The following DLAT variants were observed in gnomAD, a reference collection of about 807,000 sequenced individuals.
DLAT encodes dihydrolipoyllysine-residue acetyltransferase component of pyruvate dehydrogenase complex, mitochondrial.
Under a neutral mutation model 68.0 loss-of-function variants are expected in DLAT, and 43 were observed. That is an observed-to-expected ratio of 0.63 (90% CI 0.50 to 0.81). The LOEUF (loss-of-function observed/expected upper bound fraction) is 0.81, where lower values mean the gene tolerates loss of function less well. Ranked by LOEUF, DLAT falls within the 40% of genes least tolerant of loss-of-function variation. The pLI is 0.00. For synonymous variants in DLAT, 265 were observed against 288.6 expected, an observed-to-expected ratio of 0.92 and a Z score of 0.83; for missense variants, 745 against 815.4, an observed-to-expected ratio of 0.91 and a Z score of 1.05.
rs781869059 is a variant in DLAT, at chr11:112,051,260, T to C, written c.1425T>C (p.Ser475=). 1 of 1,612,764 alleles carries C rather than the reference T, an allele frequency of 6.2e-7. No homozygotes were observed. The highest frequency in any genetic ancestry group is 1.1e-5 in the South Asian group (1 of 90,986). ...NKILEGRSKI[S]VNDFIIKASA... ...TATTAGAAGGGAGAAGCAAAATTTCTGTCAATGACTTCATCATAAAAGCTT... is the reference window on the plus strand; with the variant it reads ...TATTAGAAGGGAGAAGCAAAATTTCCGTCAATGACTTCATCATAAAAGCTT... The change falls in exon 11 of 14, where the codon TCT becomes TCC. Residue 475 remains serine (S), a synonymous_variant. Transcript: ENST00000280346. The surrounding 1 kb of genome is among the most constrained non-coding windows in gnomAD (Gnocchi z 4.3).
chr11:112,058,941 TTGAG>T (rs1322792075), intron 11 of DLAT, among the ~76,000 whole-genome samples: 1 of 152,106 alleles, frequency 6.6e-6, no homozygotes, highest in Non-Finnish European at 1.5e-5. Context: ...TTCTAGTAAT[TTGAG>T]TATTTTCAGT....
At position 112,059,885 on chromosome 11, in the gene DLAT, A is replaced by AT. The variant is rs1555182997; in HGVS notation, c.1515-13dup. 5.8e-6 allele frequency: 9 copies of AT among 1,556,440 alleles called. No individual in the cohort carries two copies. Among genetic ancestry groups the AT allele is most frequent in the South Asian group, 1.2e-5 (1 of 84,452 alleles). ...TAATAAACAGTTTTTTATTATATTT[A>AT]TTTTTCTTTTTAAACAGAAATCATG... On this transcript the variant is annotated splice_polypyrimidine_tract_variant and intron_variant, in intron 11 of 13. Transcript: ENST00000280346.
At chr11:112,029,538 CT>C (rs1224028417) in intron 4 of DLAT, among the ~76,000 whole-genome samples, 1 of 152,060 alleles carries the variant, frequency 6.6e-6, no homozygotes, top group Admixed American at 6.6e-5. Flanking sequence ...CAGATTTCCC[CT>C]TAACTCATTA....
intron 8 of DLAT, among the ~76,000 whole-genome samples, chr11:112,044,147 C>T (rs587653336): frequency 2.6e-4 from 40 of 151,914 alleles, no homozygotes; most frequent in African/African-American, 9.7e-4. Context: ...TTTTCTTTTT[C>T]AAAATATTTT....
chr11:112,051,189 T>C lies in DLAT; in HGVS notation c.1399-45T>C. On this transcript the variant is annotated intron_variant, in intron 10 of 13. Coordinates refer to ENST00000280346, the MANE Select transcript of DLAT (RefSeq NM_001931.5). This position sits in a 1 kb window ranked among gnomAD's most constrained non-coding sequence, Gnocchi z 4.3. Reference sequence around the variant, plus strand: ...TGCACCCTGAAACTTAAAATTAAAATTAAAATTAAAAAAGAAGAAACTACA... The same window carrying C: ...TGCACCCTGAAACTTAAAATTAAAACTAAAATTAAAAAAGAAGAAACTACA... The C allele has an allele frequency of 7.5e-7, 1 of 1,329,016 alleles. No individual in the cohort carries two copies. Among genetic ancestry groups the C allele is most frequent in the Non-Finnish European group, 1.1e-6 (1 of 946,392 alleles). The allele number at this position is 1,329,016 out of a possible 1,614,324, so 82.3% of individuals were successfully genotyped here.
At chr11:112,043,442 A>C (rs1555181161) in intron 7 of DLAT, 24 bp from the exon 8 acceptor site, 2 of 1,605,122 alleles carry the variant, frequency 1.2e-6, no homozygotes, top group Non-Finnish European at 1.7e-6. Context: ...GTCATCATGT[A>C]TGTGATATTT....
Position 112,051,446 on chromosome 11 carries a change from G to T in DLAT, c.1514+97G>T, listed in dbSNP as rs1330939649. ...AGGGGATAAGGAGAAATGGAATACA[G>T]AGAGGCAGATGACTTACATAGGTCA... On this transcript the variant is annotated intron_variant, in intron 11 of 13. Coordinates refer to ENST00000280346, the MANE Select transcript of DLAT (RefSeq NM_001931.5). The surrounding 1 kb of genome is among the most constrained non-coding windows in gnomAD (Gnocchi z 4.3). 4.5e-6 allele frequency: 4 copies of T among 889,150 alleles called. No homozygotes were observed. Among genetic ancestry groups the T allele is most frequent in the Non-Finnish European group, 5.5e-6 (3 of 543,538 alleles). 55.1% of individuals were successfully genotyped at this position (889,150 alleles called of 1,614,324 possible). A position where few individuals can be genotyped will look rare whatever the true frequency, so the allele number is the denominator to read the frequency against.
At chr11:112,041,589 G>C (rs1765904198) in intron 7 of DLAT, among the ~76,000 whole-genome samples, 1 of 152,166 alleles carries the variant, frequency 6.6e-6, no homozygotes, top group African/African-American at 2.4e-5. Context: ...GAACATAAAA[G>C]AGGCCAGTGT....
chr11:112,052,176 C>T (rs782405256), intron 11 of DLAT, among the ~76,000 whole-genome samples: 7 of 152,176 alleles, frequency 4.6e-5, no homozygotes, highest in Non-Finnish European at 1.0e-4. Context: ...ACTTTGCTGT[C>T]ACACAGTCAC....
At chr11:112,049,361 A>C (rs1863494091) in intron 10 of DLAT, among the ~76,000 whole-genome samples, 1 of 152,196 alleles carries the variant, frequency 6.6e-6, no homozygotes, top group African/African-American at 2.4e-5. Context: ...TTCATCCATG[A>C]ACATGTAGAT....
intron 7 of DLAT, among the ~76,000 whole-genome samples, chr11:112,042,697 A>T (rs1863108356): frequency 6.6e-6 from 1 of 152,204 alleles, no homozygotes; most frequent in African/African-American, 2.4e-5. Flanking sequence ...AAGAGGCTGT[A>T]GGTGGGAGGA....
chr11:112,054,623 G>A (rs587753319), intron 11 of DLAT, among the ~76,000 whole-genome samples: 2 of 152,110 alleles, frequency 1.3e-5, no homozygotes, highest in East Asian at 3.9e-4. Flanking sequence ...ACTTTTCCTT[G>A]GTCATTCTTC....
Position 112,062,585 on chromosome 11 carries a change from A to G in DLAT, c.*50A>G, listed in dbSNP as rs782688456. 6.3e-7 allele frequency: 1 copy of G among 1,593,808 alleles called. No homozygotes were observed. Among genetic ancestry groups the G allele is most frequent in the Admixed American group, 1.7e-5 (1 of 59,788 alleles). On this transcript the variant is annotated 3_prime_UTR_variant, in exon 14 of 14. Coordinates refer to ENST00000280346, the MANE Select transcript of DLAT (RefSeq NM_001931.5). ...CCCAGGTCACACTGATTCATTCTTAACAAGATATTTATATGTTATTAAACA... is the reference window on the plus strand; with the variant it reads ...CCCAGGTCACACTGATTCATTCTTAGCAAGATATTTATATGTTATTAAACA...
At chr11:112,028,264 CA>C (rs1862190378) in intron 2 of DLAT, among the ~76,000 whole-genome samples, 1 of 151,888 alleles carries the variant, frequency 6.6e-6, no homozygotes, top group African/African-American at 2.4e-5. Flanking sequence ...GCTAAAAATA[CA>C]AAAATCAGCC....
intron 7 of DLAT, among the ~76,000 whole-genome samples, chr11:112,042,145 TCC>T (rs1316686567): frequency 1.3e-5 from 2 of 152,234 alleles, no homozygotes; most frequent in Non-Finnish European, 2.9e-5. Flanking sequence ...TTTGACAAGA[TCC>T]CTACTTTTTG....
chr11:112,026,303 A>C lies in DLAT; in HGVS notation c.381+4A>C. ...TGAAGGTGACCTAATTGCAGAGGTA[A>C]GTTTTTTTTTTTTTTTTTAATTAAT... On this transcript the variant is annotated splice_donor_region_variant and intron_variant, in intron 2 of 13. Coordinates refer to ENST00000280346, the MANE Select transcript of DLAT (RefSeq NM_001931.5). 1 of 1,351,276 alleles carries C rather than the reference A, an allele frequency of 7.4e-7. No individual in the cohort carries two copies. Among genetic ancestry groups the C allele is most frequent in the South Asian group, 1.6e-5 (1 of 62,250 alleles). The allele number at this position is 1,351,276 out of a possible 1,614,324, so 83.7% of individuals were successfully genotyped here. A position where few individuals can be genotyped will look rare whatever the true frequency, so the allele number is the denominator to read the frequency against.
rs781985635 is a variant in DLAT at position 112,033,424 on chromosome 11, T to C, written c.681T>C (p.Ser227=). ...PHMQVLLPAL[S]PTMTMGTVQR... is the part of the protein sequence containing the mutation. ...TGCAGGTACTTCTTCCTGCCCTCTC[T>C]CCCACCATGACCATGGGCACAGTTC... Residue 227 remains serine, a synonymous_variant, in exon 5 of 14, where the codon TCT becomes TCC. Transcript: ENST00000280346. 53 of 1,613,618 alleles carry C rather than the reference T, an allele frequency of 3.3e-5. No homozygotes were observed. The highest frequency in any genetic ancestry group is 4.1e-5 in the Non-Finnish European group (48 of 1,179,836).
Position 112,063,520 on chromosome 11 carries a change from G to A in DLAT, c.*985G>A, listed in dbSNP as rs1309671140. ...TCCCAAATCCTGTCTGAAAAGGAGG[G>A]GTACATTGGTAAACATTTTGGAGTG... On this transcript the variant is annotated 3_prime_UTR_variant, in exon 14 of 14. Transcript: ENST00000280346. 6.6e-6 allele frequency: 1 copy of A among 152,408 alleles called. No individual in the cohort carries two copies. Among genetic ancestry groups the A allele is most frequent in the East Asian group, 1.9e-4 (1 of 5,196 alleles). The allele number at this position is 152,408 out of a possible 1,614,324, so 9.4% of individuals were successfully genotyped here.
At chr11:112,036,320 T>C (rs1234454105) in intron 5 of DLAT, among the ~76,000 whole-genome samples, 17 of 149,014 alleles carry the variant, frequency 1.1e-4, no homozygotes, top group African/African-American at 4.2e-4. Flanking sequence ...TTCAAGTGAT[T>C]TTCTTGCCTC....
Sources: allele counts gnomAD v4.1 joint callset (sites outside exome capture counted in the v4.1 genomes callset), GRCh38; gene constraint gnomAD v4.1.1; non-coding constraint Gnocchi (gnomAD v3.1); transcripts MANE v1.5; gene names NCBI Gene and HGNC (gene_info 2026-07-23, HGNC 2026-07-21).